The following MYCBP2 variants were observed in gnomAD, a reference collection of about 807,000 sequenced individuals.
MYCBP2 encodes E3 ubiquitin-protein ligase MYCBP2.
A neutral mutation model predicts 525.3 loss-of-function variants in MYCBP2; 120 were observed. The ratio of observed to expected loss-of-function variants is 0.23; its 90% confidence interval spans 0.20 to 0.27. MYCBP2 has a LOEUF of 0.27. Ranked by LOEUF, MYCBP2 falls within the 10% of genes least tolerant of loss-of-function variation. The pLI, the probability that MYCBP2 is intolerant of heterozygous loss-of-function variation, is 1.00. For missense variants in MYCBP2, 4,149 were observed against 5,657.1 expected (o/e 0.73, Z 8.55); for synonymous variants, 1,894 against 1,955.8 (o/e 0.97, Z 0.83).
At chr13:77,310,571 T>C (rs2080063232) in intron 1 of MYCBP2, among the ~76,000 whole-genome samples, 1 of 152,160 alleles carries the variant, frequency 6.6e-6, no homozygotes, top group Admixed American at 6.5e-5. Context: ...ATGTCATATA[T>C]ATGATTATAG....
intron 78 of MYCBP2, 45 bp from the exon 79 acceptor site, chr13:77,057,138 T>C (rs2038252109): frequency 1.5e-6 from 2 of 1,347,166 alleles, no homozygotes; most frequent in Admixed American, 1.7e-5. Flanking sequence ...ATAATAATGA[T>C]AAACAGTTGA....
chr13:77,246,206 G>A (rs1202765843), intron 15 of MYCBP2, among the ~76,000 whole-genome samples: 1 of 152,148 alleles, frequency 6.6e-6, no homozygotes, highest in African/African-American at 2.4e-5. Context: ...TCTGGCAGCA[G>A]TTTAAAAGAC....
chr13:77,112,568 G>GC (rs2049015991), intron 55 of MYCBP2, among the ~76,000 whole-genome samples: 1 of 151,622 alleles, frequency 6.6e-6, no homozygotes, highest in Non-Finnish European at 1.5e-5. Flanking sequence ...TAGGATTACA[G>GC]GTGTGCATCA....
chr13:77,245,843 T>C lies in MYCBP2; in HGVS notation c.2382-1892A>G, dbSNP rs1165107510. 3.3e-5 allele frequency among the ~76,000 whole-genome samples: 4 copies of C among 122,328 alleles called. No individual in the cohort carries two copies. In the East Asian group the frequency reaches 8.4e-4, roughly 26 times the overall value. The allele number at this position is 122,328 out of a possible 152,430, so 80.3% of individuals were successfully genotyped here. Reference sequence around the variant, plus strand: ...AAAATAATACATATATATGTATATATATATGTATACACACACACACACATA... The same window carrying C: ...AAAATAATACATATATATGTATATACATATGTATACACACACACACACATA... On this transcript the variant is annotated intron_variant, in intron 15 of 82. Transcript: ENST00000544440.
rs201417174 is a variant in MYCBP2 at position 77,150,621 on chromosome 13, C to CTTG, written c.7131+112_7131+113insCAA. ...TAAGTGTTGCTGCAAATTTAATATC[C>CTTG]ATCAAATGCTCTTTGGACTTACAAT... is the stretch of plus-strand genomic sequence containing the variant. On this transcript the variant is annotated intron_variant, in intron 47 of 82. Transcript: ENST00000544440. 2,157 of 776,722 alleles carry CTTG rather than the reference C, an allele frequency of 2.8e-3. 34 individuals are homozygous for CTTG. In the African/African-American group the frequency reaches 0.032, roughly 12 times the overall value. 48.1% of individuals were successfully genotyped at this position (776,722 alleles called of 1,614,324 possible).
In MYCBP2 at chr13:77,098,626, G is replaced by A. The variant is rs779400903; in HGVS notation, c.8528C>T (p.Ser2843Phe). The change falls in exon 56 of 83, where the codon TCC becomes TTC. Residue 2843 changes from serine to phenylalanine, a missense_variant. By Grantham distance (155) the Ser-to-Phe change is radical (BLOSUM62 -2). Coordinates refer to ENST00000544440, the MANE Select transcript of MYCBP2 (RefSeq NM_015057.5). ...AGGTAGATTTTTATCATGTGGTGAG[G>A]AGGAGCGTGGAGAACTAGCACCCGA... ...SPSGASSPRS[S>F]SPHDKNLPQK... 7.4e-6 allele frequency: 12 copies of A among 1,613,584 alleles called. No individual in the cohort carries two copies. Among genetic ancestry groups the A allele is most frequent in the Non-Finnish European group, 1.0e-5 (12 of 1,179,802 alleles).
chr13:77,071,112 TAAGCTATCGGAACACCAAGTCATCAAAGA>T (rs146760457), intron 68 of MYCBP2, among the ~76,000 whole-genome samples: 4,442 of 152,220 alleles, frequency 0.029, 133 homozygotes, highest in African/African-American at 0.079. Flanking sequence ...GGTCTTAAAT[TAAGCTATCGGAACACCAAGTCATCAAAGA>T]AATGTATCAT....
rs977525874 is a variant in MYCBP2 at position 77,146,107 on chromosome 13, T to C, written c.7187+55A>G. 40 of 1,168,920 alleles carry C rather than the reference T, an allele frequency of 3.4e-5. No homozygotes were observed. The African/African-American group carries it at 5.2e-4, about 15-fold the overall frequency. 72.4% of individuals were successfully genotyped at this position (1,168,920 alleles called of 1,614,324 possible). On this transcript the variant is annotated intron_variant, in intron 48 of 82. Coordinates refer to ENST00000544440, the MANE Select transcript of MYCBP2 (RefSeq NM_015057.5). ...AAGTTGAAATGCAGGATGATTTTAGTTGCAAGCAGCTGACAACACATGTTT... is the reference window on the plus strand; with the variant it reads ...AAGTTGAAATGCAGGATGATTTTAGCTGCAAGCAGCTGACAACACATGTTT...
intron 3 of MYCBP2, among the ~76,000 whole-genome samples, chr13:77,279,383 T>C (rs895396442): frequency 1.3e-5 from 2 of 152,194 alleles, no homozygotes; most frequent in Non-Finnish European, 2.9e-5. Flanking sequence ...TTAATTATCT[T>C]ACTATTCCTC....
At chr13:77,276,940 G>T (rs2075686557) in intron 4 of MYCBP2, among the ~76,000 whole-genome samples, 1 of 146,696 alleles carries the variant, frequency 6.8e-6, no homozygotes, top group Non-Finnish European at 1.5e-5. Flanking sequence ...ACAGGCATAA[G>T]CCACCACACC....
At chr13:77,305,612 T>C (rs1366432552) in intron 1 of MYCBP2, among the ~76,000 whole-genome samples, 1 of 152,092 alleles carries the variant, frequency 6.6e-6, no homozygotes, top group Non-Finnish European at 1.5e-5. Flanking sequence ...TTTGTGAATA[T>C]ACTGGAAACC....
intron 68 of MYCBP2, among the ~76,000 whole-genome samples, chr13:77,072,910 A>G (rs1351751007): frequency 6.6e-6 from 1 of 152,184 alleles, no homozygotes; most frequent in Admixed American, 6.5e-5. Context: ...TACTAGTTAG[A>G]TTATATATGA....
intron 30 of MYCBP2, among the ~76,000 whole-genome samples, chr13:77,186,802 AT>A (rs5804893): frequency 0.032 from 3,863 of 120,404 alleles, 56 homozygotes; most frequent in East Asian, 0.053. Context: ...TATAGATTCA[AT>A]TTTTTTTTTT....
intron 17 of MYCBP2, among the ~76,000 whole-genome samples, chr13:77,240,187 C>T (rs1318268414): frequency 6.6e-6 from 1 of 152,080 alleles, no homozygotes; most frequent in African/African-American, 2.4e-5. Context: ...AGTGTCATAT[C>T]AGAATAGATT....
chr13:77,310,055 T>C (rs748096316), intron 1 of MYCBP2, among the ~76,000 whole-genome samples: 1 of 152,094 alleles, frequency 6.6e-6, no homozygotes, highest in Non-Finnish European at 1.5e-5. Context: ...GAGGTTGCAG[T>C]AAGCCAAGAT....
chr13:77,156,633 T>C (rs906793643), intron 45 of MYCBP2, among the ~76,000 whole-genome samples: 1 of 152,192 alleles, frequency 6.6e-6, no homozygotes, highest in Non-Finnish European at 1.5e-5. Context: ...GAAATGGCCC[T>C]CTACTTGCCT....
chr13:77,142,372 A>G (rs2054813050), intron 49 of MYCBP2, among the ~76,000 whole-genome samples: 1 of 152,348 alleles, frequency 6.6e-6, no homozygotes, highest in African/African-American at 2.4e-5. Context: ...ATTGAAATAA[A>G]GAAGAGTGCA....
chr13:77,120,800 T>C (rs561475462), intron 55 of MYCBP2, among the ~76,000 whole-genome samples: 1 of 152,326 alleles, frequency 6.6e-6, no homozygotes, highest in South Asian at 2.1e-4. Context: ...ATATATATTA[T>C]ATTCATATGA....
At chr13:77,056,108 G>GTGTGTGTA (rs1332731549) in intron 79 of MYCBP2, among the ~76,000 whole-genome samples, 59 of 112,874 alleles carry the variant, frequency 5.2e-4, no homozygotes, top group African/African-American at 1.8e-3. Context: ...TGGTGTGTGT[G>GTGTGTGTA]TGTGTGTGTG....
Sources: allele counts gnomAD v4.1 joint callset (sites outside exome capture counted in the v4.1 genomes callset), GRCh38; gene constraint gnomAD v4.1.1; transcripts MANE v1.5; gene names NCBI Gene and HGNC (gene_info 2026-07-23, HGNC 2026-07-21).